Variants in TRAP1 observed in about 807,000 individuals in gnomAD.
TRAP1 encodes the protein TNF receptor associated protein 1.
A neutral mutation model predicts 89.1 loss-of-function variants in TRAP1; 102 were observed. The ratio of observed to expected loss-of-function variants is 1.15; its 90% CI spans 0.98 to 1.35. The LOEUF is 1.35. Ranked by LOEUF, TRAP1 falls within the 40% of genes most tolerant of loss-of-function variation. TRAP1 has a pLI of 0.00. For missense variants in TRAP1, 1,256 were observed against 945.3 expected, an observed-to-expected ratio of 1.33 and a Z score of -4.31; for synonymous variants, 508 against 388.0, an observed-to-expected ratio of 1.31 and a Z score of -3.64.
chr16:3,662,708 G>C (rs377509192), intron 15 of TRAP1, 174 bp downstream of exon 15: 1 of 707,536 alleles, frequency 1.4e-6, no homozygotes, highest in East Asian at 2.7e-5. Flanking sequence ...CTGCCTCAGC[G>C]GCACTCCCGA....
intron 5 of TRAP1, among the ~76,000 whole-genome samples, chr16:3,679,176 A>G (rs1851260510): frequency 6.6e-6 from 1 of 152,118 alleles, no homozygotes; most frequent in African/African-American, 2.4e-5. Context: ...CTGTAATCCC[A>G]GCTACTTGGG....
chr16:3,688,202 C>T (rs937745491), intron 3 of TRAP1, among the ~76,000 whole-genome samples: 29 of 151,948 alleles, frequency 1.9e-4, no homozygotes, highest in African/African-American at 5.3e-4. Flanking sequence ...GGTCTCTTCA[C>T]GTTGCCTAGG....
Position 3,671,801 on chromosome 16 carries a change from A to AG in TRAP1, c.1166-11_1166-10insC, listed in dbSNP as rs150223681. On this transcript the variant is annotated splice_polypyrimidine_tract_variant and intron_variant, in intron 10 of 17. Transcript: ENST00000246957. The stretch of plus-strand genomic sequence containing the variant: ...TCACTGTCCACCACACCTGGGAGAC[A>AG]CGGCAGTCAGCTTCTCCCGGGGCTG... 11,526 of 1,612,216 alleles carry AG rather than the reference A, an allele frequency of 7.1e-3. 659 individuals are homozygous for AG. In the African/African-American group the frequency reaches 0.13, roughly 19 times the overall value.
At chr16:3,685,764 T>C (rs954889600) in intron 4 of TRAP1, among the ~76,000 whole-genome samples, 1 of 152,232 alleles carries the variant, frequency 6.6e-6, no homozygotes, top group East Asian at 1.9e-4. Flanking sequence ...ATGTTACCAG[T>C]AGTTATTGCT....
chr16:3,689,241 ACT>A, intron 2 of TRAP1, 104 bp from the exon 3 acceptor site: 8 of 886,690 alleles, frequency 9.0e-6, no homozygotes, highest in Non-Finnish European at 1.3e-5. Context: ...TGAGTTTTAA[ACT>A]TTTTTTTTTT....
intron 16 of TRAP1, 186 bp downstream of exon 16, chr16:3,661,801 G>T: frequency 4.5e-6 from 3 of 660,926 alleles, no homozygotes; most frequent in Non-Finnish European, 6.7e-6. Flanking sequence ...CCTGGGGATG[G>T]TAAGGGGCTG....
At chr16:3,674,848 G>C in intron 8 of TRAP1, 2 of 359,836 alleles carry the variant, frequency 5.6e-6, no homozygotes, top group South Asian at 3.3e-5. Flanking sequence ...GCTGAGCCGC[G>C]AGGGGGAAGT....
intron 11 of TRAP1, among the ~76,000 whole-genome samples, chr16:3,669,781 C>G (rs1441063949): frequency 7.2e-6 from 1 of 139,438 alleles, no homozygotes; most frequent in South Asian, 2.3e-4. Flanking sequence ...TGCAGTGAGC[C>G]GAGATCGTGC....
intron 1 of TRAP1, among the ~76,000 whole-genome samples, chr16:3,709,654 T>TTTGTG (rs1555468132): frequency 4.6e-5 from 7 of 152,016 alleles, no homozygotes; most frequent in African/African-American, 1.7e-4. Context: ...TCCCTTTTTT[T>TTTGTG]TGTGTGTGTG....
At position 3,664,317 on chromosome 16, in the gene TRAP1, T is replaced by C; in HGVS notation, c.1526A>G (p.Glu509Gly). 2 of 1,611,954 alleles carry C rather than the reference T, an allele frequency of 1.2e-6. No individual in the cohort carries two copies. The highest frequency in any genetic ancestry group is 1.7e-6 in the Non-Finnish European group (2 of 1,179,326). ...YLCAPNRHLAEHSPYYEAMKK... is the reference protein window; with the variant it reads ...YLCAPNRHLAGHSPYYEAMKK... ...CATGGCCTCATAGTAGGGTGAGTGC[T>C]CTGCCAGGTGACGGTTGGGGGCGCA... Residue 509 changes from glutamate to glycine, a missense_variant, in exon 13 of 18, where the codon GAG becomes GGG. Coordinates refer to ENST00000246957, the MANE Select transcript of TRAP1 (RefSeq NM_016292.3).
In TRAP1 at chr16:3,676,056, G is replaced by C; in HGVS notation, c.794C>G (p.Ser265Cys). Residue 265 changes from serine to cysteine, a missense_variant, in exon 7 of 18, where the codon TCC (serine) becomes TGC (cysteine). By Grantham distance (112) the Ser-to-Cys change is moderately radical (BLOSUM62 -1). Transcript: ENST00000246957. ...CTCACCTCGCACCCGGGCCTCGCTG[G>C]AAAACTCCTTGCAGTCGGATTTCAG... ...IHLKSDCKEF[S>C]SEARVRDVVT... The C allele has an allele frequency of 6.2e-7, 1 of 1,613,904 alleles. No homozygotes were observed. The highest frequency in any genetic ancestry group is 8.5e-7 in the Non-Finnish European group (1 of 1,179,908).
chr16:3,677,285 A>G (rs2051010987), intron 6 of TRAP1, among the ~76,000 whole-genome samples: 1 of 152,038 alleles, frequency 6.6e-6, no homozygotes, highest in Non-Finnish European at 1.5e-5. Flanking sequence ...TCCCGAGCGC[A>G]GTGGTGGTGA....
intron 16 of TRAP1, 80 bp from the exon 17 acceptor site, chr16:3,658,945 A>C (rs576115451): frequency 1.4e-6 from 2 of 1,438,744 alleles, no homozygotes; most frequent in African/African-American, 1.4e-5. Flanking sequence ...GATTATCAGG[A>C]TATTTAAAGA....
Position 3,662,924 on chromosome 16 carries a change from G to A in TRAP1, c.1752C>T (p.Ala584=). The change falls in exon 15 of 18, where the codon GCC becomes GCT. Residue 584 remains alanine, a synonymous_variant. Transcript: ENST00000246957. ...GCGACCCCAGCACATTTCTCATCCAGGCCATGAGCTCCTCCGTCTCCTTCT... is the reference window on the plus strand; with the variant it reads ...GCGACCCCAGCACATTTCTCATCCAAGCCATGAGCTCCTCCGTCTCCTTCT... ...LSEKETEELM[A]WMRNVLGSRV... 2 of 1,613,136 alleles carry A rather than the reference G, an allele frequency of 1.2e-6. No homozygotes were observed. Among genetic ancestry groups the A allele is most frequent in the Non-Finnish European group, 1.7e-6 (2 of 1,179,994 alleles).
chr16:3,707,478 C>A (rs1567246282), intron 1 of TRAP1, among the ~76,000 whole-genome samples: 1 of 151,580 alleles, frequency 6.6e-6, no homozygotes, highest in Non-Finnish European at 1.5e-5. Flanking sequence ...AGCCACCGCG[C>A]CCGGCCTTAA....
intron 6 of TRAP1, 125 bp from the exon 7 acceptor site, chr16:3,676,270 GC>G: frequency 1.6e-6 from 1 of 636,132 alleles, no homozygotes; most frequent in Non-Finnish European, 2.6e-6. Context: ...CACCTCAAAT[GC>G]CCCATTTCTG....
At chr16:3,693,370 C>T (rs955359178) in intron 1 of TRAP1, among the ~76,000 whole-genome samples, 9 of 150,594 alleles carry the variant, frequency 6.0e-5, no homozygotes, top group African/African-American at 2.2e-4. Context: ...TTGCATTGTT[C>T]ACTTTATTCG....
At chr16:3,658,615 G>C (rs537971545) in intron 17 of TRAP1, 178 bp downstream of exon 17, 1 of 632,122 alleles carries the variant, frequency 1.6e-6, no homozygotes, top group African/African-American at 1.8e-5. Context: ...AGAGGTTGTA[G>C]TGAGCCAAGA....
intron 1 of TRAP1, chr16:3,704,118 G>A (rs760494573): frequency 1.3e-5 from 2 of 152,228 alleles, no homozygotes; most frequent in African/African-American, 2.4e-5. Flanking sequence ...GCCAAGGTAG[G>A]CAGATCAGCT....
Sources: allele counts gnomAD v4.1 joint callset (sites outside exome capture counted in the v4.1 genomes callset), GRCh38; gene constraint gnomAD v4.1.1; transcripts MANE v1.5; gene names NCBI Gene and HGNC (gene_info 2026-07-23, HGNC 2026-07-21).